The following FAM13A variants were observed in gnomAD, a reference collection of about 807,000 sequenced individuals.
FAM13A encodes the protein family with sequence similarity 13 member A, also known as protein FAM13A.
FAM13A carries 76 observed loss-of-function variants against 129.6 expected under a neutral mutation model. That is an observed-to-expected ratio of 0.59 (90% CI 0.49 to 0.71). The LOEUF (loss-of-function observed/expected upper bound fraction) is 0.71, where lower values mean the gene tolerates loss of function less well. Ranked by LOEUF, FAM13A falls within the 30% of genes least tolerant of loss-of-function variation. The pLI is 0.00. For missense variants in FAM13A, 1,108 were observed against 1,249.3 expected, an observed-to-expected ratio of 0.89 and a Z score of 1.70; for synonymous variants, 443 against 449.9, an observed-to-expected ratio of 0.98 and a Z score of 0.20.
At chr4:88,863,582 G>A (rs140506320) in intron 6 of FAM13A, among the ~76,000 whole-genome samples, 3 of 152,250 alleles carry the variant, frequency 2.0e-5, no homozygotes, top group African/African-American at 7.2e-5. Flanking sequence ...TCACAACCTG[G>A]GACTTACATC....
At chr4:88,847,555 A>T (rs1357370477) in intron 7 of FAM13A, among the ~76,000 whole-genome samples, 3 of 152,248 alleles carry the variant, frequency 2.0e-5, no homozygotes, top group Non-Finnish European at 2.9e-5. Context: ...TATCTCAGAA[A>T]TACTGATTCA....
intron 5 of FAM13A, among the ~76,000 whole-genome samples, chr4:88,925,530 GAACA>G (rs895575410): frequency 4.3e-5 from 6 of 138,152 alleles, no homozygotes; most frequent in Non-Finnish European, 3.1e-5. Context: ...ACAGGAAGGG[GAACA>G]TCACACTCTG....
At chr4:88,893,262 T>C (rs990841358) in intron 6 of FAM13A, among the ~76,000 whole-genome samples, 3 of 152,156 alleles carry the variant, frequency 2.0e-5, no homozygotes, top group African/African-American at 4.8e-5. Flanking sequence ...CCAAAACAGG[T>C]TGACAGGGGG....
intron 5 of FAM13A, among the ~76,000 whole-genome samples, chr4:88,909,451 G>A (rs1004274549): frequency 6.6e-6 from 1 of 152,058 alleles, no homozygotes; most frequent in African/African-American, 2.4e-5. Flanking sequence ...AGTGGGGAAT[G>A]TGGAGTGACT....
rs1215443668 is a variant in FAM13A at position 88,851,076 on chromosome 4, G to A, written c.951C>T (p.Ala317=). 1 of 1,613,958 alleles carries A rather than the reference G, an allele frequency of 6.2e-7. No individual in the cohort carries two copies. The highest frequency in any genetic ancestry group is 1.1e-5 in the South Asian group (1 of 91,068). ...CTGCTGAATTCATGTCTTCCAAGCA[G>A]GCTTTTCTATAACTTAGCCGCAAGC... The part of the protein sequence containing the change: ...QLSLRLSYRK[A]CLEDMNSAEG... The change falls in exon 7 of 24, where the codon GCC becomes GCT. Residue 317 remains alanine, a synonymous_variant. Coordinates refer to ENST00000264344, the MANE Select transcript of FAM13A (RefSeq NM_014883.4).
chr4:89,010,512 GC>G (rs1560782761), intron 3 of FAM13A, among the ~76,000 whole-genome samples: 1 of 152,188 alleles, frequency 6.6e-6, no homozygotes, highest in African/African-American at 2.4e-5. Flanking sequence ...GGTCTGAGGA[GC>G]TGAAGCACTT....
intron 4 of FAM13A, among the ~76,000 whole-genome samples, chr4:88,973,588 T>TTAAC (rs1341241054): frequency 2.6e-5 from 4 of 151,580 alleles, no homozygotes; most frequent in African/African-American, 4.9e-5. Flanking sequence ...CCTTATCCTA[T>TTAAC]TGTTTTAAAT....
intron 5 of FAM13A, among the ~76,000 whole-genome samples, chr4:88,925,510 A>T (rs1751955439): frequency 7.1e-6 from 1 of 140,900 alleles, no homozygotes; most frequent in Non-Finnish European, 1.5e-5. Context: ...AACAATGAGA[A>T]CACATGGACA....
chr4:88,864,048 C>A (rs1333432429), intron 6 of FAM13A, among the ~76,000 whole-genome samples: 1 of 152,076 alleles, frequency 6.6e-6, no homozygotes, highest in Non-Finnish European at 1.5e-5. Context: ...TAATAGAATT[C>A]GAGAGAAAGA....
intron 6 of FAM13A, among the ~76,000 whole-genome samples, chr4:88,854,401 C>T (rs1738137719): frequency 6.6e-6 from 1 of 152,138 alleles, no homozygotes. Flanking sequence ...ATACCTGCAG[C>T]CTCTCTCATA....
At chr4:88,813,933 C>T (rs1012616869) in intron 7 of FAM13A, among the ~76,000 whole-genome samples, 1 of 152,138 alleles carries the variant, frequency 6.6e-6, no homozygotes, top group African/African-American at 2.4e-5. Flanking sequence ...GATCGATACA[C>T]AGGCTAAGAA....
chr4:88,856,309 G>A (rs1358729907), intron 6 of FAM13A, among the ~76,000 whole-genome samples: 1 of 151,736 alleles, frequency 6.6e-6, no homozygotes, highest in Non-Finnish European at 1.5e-5. Context: ...ATGAGACCCT[G>A]TCTCTACAAA....
intron 7 of FAM13A, among the ~76,000 whole-genome samples, chr4:88,818,520 T>C (rs1731226691): frequency 6.6e-6 from 1 of 152,206 alleles, no homozygotes; most frequent in African/African-American, 2.4e-5. Flanking sequence ...ATCCTAAAAT[T>C]TGAAAATATC....
At chr4:89,032,473 G>C (rs1579858342) in intron 1 of FAM13A, among the ~76,000 whole-genome samples, 1 of 152,072 alleles carries the variant, frequency 6.6e-6, no homozygotes, top group Non-Finnish European at 1.5e-5. Flanking sequence ...TAATCCTTAG[G>C]GGCCTTCTAA....
chr4:88,823,070 A>G lies in FAM13A; in HGVS notation c.1008-18018T>C, dbSNP rs1363272642. On this transcript the variant is annotated intron_variant, in intron 7 of 23. Transcript: ENST00000264344. ...TTCCACGGCAAGTTTGGTCGTCTGTACAGTGAACGTCTTCTTACAGTGGCT... is the reference window on the plus strand; with the variant it reads ...TTCCACGGCAAGTTTGGTCGTCTGTGCAGTGAACGTCTTCTTACAGTGGCT... 5.6e-6 allele frequency: 9 copies of G among 1,605,246 alleles called. No homozygotes were observed. In the East Asian group the frequency reaches 1.8e-4, roughly 32 times the overall value.
chr4:88,798,702 G>C (rs1235400481), intron 8 of FAM13A, among the ~76,000 whole-genome samples: 1 of 152,174 alleles, frequency 6.6e-6, no homozygotes, highest in African/African-American at 2.4e-5. Flanking sequence ...CTACAGAGCT[G>C]TCTCTAGAGT....
chr4:88,858,959 A>T (rs1469227687), intron 6 of FAM13A, among the ~76,000 whole-genome samples: 1 of 152,254 alleles, frequency 6.6e-6, no homozygotes, highest in Non-Finnish European at 1.5e-5. Flanking sequence ...AGGGCGAATA[A>T]TGAAATCTGA....
rs756741800 is a variant in FAM13A at position 89,057,004 on chromosome 4, C to G, written c.-40G>C. The G allele has an allele frequency of 6.2e-7, 1 of 1,610,192 alleles. No homozygotes were observed. The highest frequency in any genetic ancestry group is 1.7e-5 in the Admixed American group (1 of 58,880). ...TCTGGAAGAACTGAGGAAGACCAGA[C>G]GAAAATATTAAAACGACAGCAAAAT... is the stretch of plus-strand genomic sequence containing the variant. On this transcript the variant is annotated 5_prime_UTR_variant, in exon 1 of 24. Coordinates refer to ENST00000264344, the MANE Select transcript of FAM13A (RefSeq NM_014883.4).
chr4:88,954,825 G>T (rs745827916), intron 4 of FAM13A, among the ~76,000 whole-genome samples: 1 of 151,310 alleles, frequency 6.6e-6, no homozygotes, highest in Non-Finnish European at 1.5e-5. Context: ...GGCAGAGGTT[G>T]CAGTGAGCAG....
Sources: gnomAD v4.1 joint callset for allele counts (sites outside exome capture counted in the v4.1 genomes callset) on GRCh38, gnomAD v4.1.1 for gene constraint, MANE v1.5 for transcripts, NCBI Gene and HGNC (gene_info 2026-07-23, HGNC 2026-07-21) for gene names.